CTNNA2: variants seen among roughly 807,000 people sequenced by gnomAD.
CTNNA2 encodes catenin alpha-2.
In CTNNA2, 42 loss-of-function variants were observed where a neutral mutation model predicts 101.0. That is an observed-to-expected ratio of 0.42 (90% CI 0.32 to 0.54). The LOEUF is 0.54. CTNNA2 is among the 20% of genes least tolerant of loss of function. The pLI is 0.14. For synonymous variants in CTNNA2, 450 were observed against 456.4 expected (o/e 0.99, Z 0.18); for missense variants, 871 against 1,223.1 (o/e 0.71, Z 4.29).
intron 7 of CTNNA2, among the ~76,000 whole-genome samples, chr2:79,982,218 A>ATATGTATG: frequency 2.5e-5 from 1 of 40,372 alleles, no homozygotes; most frequent in South Asian, 7.3e-4. Flanking sequence ...ATATATATAT[A>ATATGTATG]TATATATATA....
intron 4 of CTNNA2, among the ~76,000 whole-genome samples, chr2:79,386,153 G>A (rs1377522026): frequency 2.0e-5 from 3 of 152,326 alleles, no homozygotes; most frequent in South Asian, 4.1e-4. Context: ...CACTAAGAGT[G>A]TAAAAGCGTT....
chr2:80,214,372 A>G (rs1408665598), intron 7 of CTNNA2, among the ~76,000 whole-genome samples: 1 of 152,122 alleles, frequency 6.6e-6, no homozygotes, highest in Non-Finnish European at 1.5e-5. Flanking sequence ...TCCCATGTTT[A>G]GTGCTTCCTT....
chr2:79,879,776 T>C (rs1226509692), intron 6 of CTNNA2, among the ~76,000 whole-genome samples: 4 of 152,208 alleles, frequency 2.6e-5, no homozygotes, highest in Non-Finnish European at 5.9e-5. Context: ...AGAGAAAATT[T>C]GACTTCCTAT....
chr2:80,524,082 G>A (rs1655110497), intron 9 of CTNNA2, among the ~76,000 whole-genome samples: 1 of 152,170 alleles, frequency 6.6e-6, no homozygotes, highest in African/African-American at 2.4e-5. Context: ...GGGATGACAG[G>A]CCTTCAGGAG....
At chr2:80,512,643 G>T (rs1480397256) in intron 9 of CTNNA2, among the ~76,000 whole-genome samples, 2 of 150,254 alleles carry the variant, frequency 1.3e-5, no homozygotes, top group Non-Finnish European at 2.9e-5. Flanking sequence ...TTTCTATTTT[G>T]GAAAATATAT....
chr2:80,509,920 C>A (rs1046321985), intron 9 of CTNNA2, among the ~76,000 whole-genome samples: 8 of 151,990 alleles, frequency 5.3e-5, no homozygotes, highest in Admixed American at 2.6e-4. Flanking sequence ...AAGCAGTATT[C>A]CCCCTGGAGA....
chr2:80,002,410 G>A (rs990078803), intron 7 of CTNNA2, among the ~76,000 whole-genome samples: 29 of 152,292 alleles, frequency 1.9e-4, no homozygotes, highest in African/African-American at 6.5e-4. Flanking sequence ...ATCAAAATGA[G>A]TTTGACCAAG....
chr2:79,504,446 C>T (rs1031539171), intron 4 of CTNNA2, among the ~76,000 whole-genome samples: 1 of 152,104 alleles, frequency 6.6e-6, no homozygotes, highest in African/African-American at 2.4e-5. Context: ...CATGCTACCA[C>T]ACACGGTTAA....
intron 9 of CTNNA2, among the ~76,000 whole-genome samples, chr2:80,466,249 A>C (rs1364915272): frequency 6.6e-6 from 1 of 152,190 alleles, no homozygotes; most frequent in Admixed American, 6.6e-5. Flanking sequence ...ATTTACAGAG[A>C]GCTTTCTACC....
intron 4 of CTNNA2, among the ~76,000 whole-genome samples, chr2:79,489,233 G>T (rs1215017887): frequency 6.6e-6 from 1 of 152,028 alleles, no homozygotes; most frequent in East Asian, 1.9e-4. Flanking sequence ...TATAAGAATG[G>T]TATGGTAACT....
chr2:79,965,827 C>CAAA lies in CTNNA2; in HGVS notation c.1056+56051_1056+56053dup, dbSNP rs10686940. On this transcript the variant is annotated intron_variant, in intron 7 of 18. Coordinates refer to ENST00000402739, the MANE Select transcript of CTNNA2 (RefSeq NM_001282597.3). ...CCTGGGTGATGGAGTGAGACTATGT[C>CAAA]AAAAAAAAAAAAAAAAAAAAAAAGA... is the stretch of plus-strand genomic sequence containing the variant. Among the ~76,000 whole-genome samples the CAAA allele has an allele frequency of 5.2e-3, 405 of 77,740 alleles. 3 individuals are homozygous for CAAA. The highest frequency in any genetic ancestry group is 8.8e-3 in the African/African-American group (168 of 18,988). The allele number at this position is 77,740 out of a possible 152,430, so 51.0% of individuals were successfully genotyped here.
At chr2:79,212,968 G>C (rs1223403538) in intron 2 of CTNNA2, among the ~76,000 whole-genome samples, 10 of 152,210 alleles carry the variant, frequency 6.6e-5, no homozygotes, top group Admixed American at 6.5e-4. Context: ...GAGGTTCTAA[G>C]AGATGGGCTA....
intron 7 of CTNNA2, among the ~76,000 whole-genome samples, chr2:80,250,021 C>T (rs1391230933): frequency 2.6e-5 from 4 of 152,112 alleles, no homozygotes; most frequent in Non-Finnish European, 4.4e-5. Context: ...TCCAGCCCCT[C>T]CTCCCATATA....
chr2:79,290,162 T>A (rs1008157737), intron 2 of CTNNA2, among the ~76,000 whole-genome samples: 3 of 151,948 alleles, frequency 2.0e-5, no homozygotes, highest in Non-Finnish European at 4.4e-5. Context: ...GAACATAGAG[T>A]CTTTTAAGTA....
chr2:79,833,177 G>T (rs534391896), intron 3 of CTNNA2, among the ~76,000 whole-genome samples: 60 of 152,274 alleles, frequency 3.9e-4, no homozygotes, highest in Middle Eastern at 3.4e-3. Context: ...CTAAACCTGA[G>T]TTTGGAATCC....
At chr2:80,360,151 G>A (rs1420593403) in intron 7 of CTNNA2, among the ~76,000 whole-genome samples, 1 of 152,076 alleles carries the variant, frequency 6.6e-6, no homozygotes, top group Non-Finnish European at 1.5e-5. Flanking sequence ...GGGATTGGAA[G>A]AGGTAGTGAA....
chr2:80,236,403 G>A (rs13420354), intron 7 of CTNNA2, among the ~76,000 whole-genome samples: 15,206 of 152,184 alleles, frequency 0.1, 1,666 homozygotes, highest in African/African-American at 0.27. Context: ...GAGAGTTGAC[G>A]TTATTGGTCA....
intron 7 of CTNNA2, among the ~76,000 whole-genome samples, chr2:80,264,240 C>A (rs1672831857): frequency 6.6e-6 from 1 of 151,964 alleles, no homozygotes; most frequent in Non-Finnish European, 1.5e-5. Context: ...GCTAAAATAG[C>A]ATCATTTTGC....
At chr2:80,268,752 G>A (rs573933930) in intron 7 of CTNNA2, among the ~76,000 whole-genome samples, 1 of 152,158 alleles carries the variant, frequency 6.6e-6, no homozygotes, top group East Asian at 1.9e-4. Flanking sequence ...TACATATGAC[G>A]ACTCTGAGGA....
Sources: allele counts gnomAD v4.1 joint callset (sites outside exome capture counted in the v4.1 genomes callset), GRCh38; gene constraint gnomAD v4.1.1; transcripts MANE v1.5; gene names NCBI Gene and HGNC (gene_info 2026-07-23, HGNC 2026-07-21).